Variants in SEL1L3 observed in about 807,000 individuals in gnomAD.
SEL1L3 encodes the protein protein sel-1 homolog 3.
A neutral mutation model predicts 142.8 loss-of-function variants in SEL1L3; 76 were observed. The ratio of observed to expected loss-of-function variants is 0.53; its 90% CI spans 0.44 to 0.64. The LOEUF is 0.64. Among genes scored for constraint, SEL1L3 ranks in the 30% least tolerant of loss-of-function variants. SEL1L3 has a pLI of 0.00. For synonymous variants in SEL1L3, 504 were observed against 519.6 expected, an observed-to-expected ratio of 0.97 and a Z score of 0.41; for missense variants, 1,262 against 1,381.7, an observed-to-expected ratio of 0.91 and a Z score of 1.37.
chr4:25,729,806 A>G, the SEL1L3 span, among the ~76,000 whole-genome samples: 1 of 152,226 alleles, frequency 6.6e-6, no homozygotes. Context: ...TGTGTTCAGT[A>G]TCAATCGGAG....
chr4:25,728,739 C>A, the SEL1L3 span, among the ~76,000 whole-genome samples: 3 of 151,494 alleles, frequency 2.0e-5, no homozygotes, highest in East Asian at 2.0e-4. Flanking sequence ...CCAGCCTGGG[C>A]AACATGGCAA....
chr4:25,764,463 T>C (rs1718585093), intron 20 of SEL1L3, among the ~76,000 whole-genome samples: 1 of 152,250 alleles, frequency 6.6e-6, no homozygotes, highest in South Asian at 2.1e-4. Context: ...ATGAAGGGTA[T>C]ACAGAAACTC....
chr4:25,787,519 C>T (rs989578364), intron 13 of SEL1L3, among the ~76,000 whole-genome samples: 3 of 152,314 alleles, frequency 2.0e-5, no homozygotes, highest in Admixed American at 6.5e-5. Flanking sequence ...GGGGTTTCAC[C>T]ATGTTGGCCA....
intron 2 of SEL1L3, among the ~76,000 whole-genome samples, chr4:25,845,652 C>T (rs1716459585): frequency 1.3e-5 from 2 of 152,088 alleles, no homozygotes; most frequent in Admixed American, 6.5e-5. Flanking sequence ...GTCATTATTT[C>T]CCCCAAAGAT....
intron 3 of SEL1L3, among the ~76,000 whole-genome samples, chr4:25,834,482 G>C (rs1394253589): frequency 2.0e-5 from 3 of 152,210 alleles, no homozygotes. Context: ...AGTGGCCCCA[G>C]GTTCTTTGCA....
chr4:25,806,015 T>C (rs1312795343), intron 9 of SEL1L3, among the ~76,000 whole-genome samples: 1 of 151,328 alleles, frequency 6.6e-6, no homozygotes, highest in Non-Finnish European at 1.5e-5. Flanking sequence ...TAAAATGTTG[T>C]GGGTTTTTTT....
intron 3 of SEL1L3, 144 bp downstream of exon 3, chr4:25,835,053 T>C: frequency 1.1e-6 from 1 of 946,238 alleles, no homozygotes; most frequent in Non-Finnish European, 1.6e-6. Context: ...ACCAATTCTG[T>C]CTAAGCCATG....
At chr4:25,797,232 G>A (rs1055786788) in intron 11 of SEL1L3, among the ~76,000 whole-genome samples, 2 of 151,432 alleles carry the variant, frequency 1.3e-5, no homozygotes, top group Admixed American at 6.6e-5. Context: ...GCTGAGGAGC[G>A]AAGCCTCTCG....
chr4:25,838,551 T>C (rs974212601), intron 2 of SEL1L3, among the ~76,000 whole-genome samples: 6 of 152,196 alleles, frequency 3.9e-5, no homozygotes, highest in African/African-American at 1.4e-4. Flanking sequence ...TCGGCTGATA[T>C]TCAGTGGGCA....
In SEL1L3 at chr4:25,784,692, G is replaced by A. The variant is rs965429330; in HGVS notation, c.2218-402C>T. Among the ~76,000 whole-genome samples the A allele has an allele frequency of 3.9e-5, 6 of 152,210 alleles. No homozygotes were observed. In the East Asian group the frequency reaches 7.7e-4, roughly 20 times the overall value. On this transcript the variant is annotated intron_variant, in intron 13 of 23. Coordinates refer to ENST00000399878, the MANE Select transcript of SEL1L3 (RefSeq NM_015187.5). The stretch of plus-strand genomic sequence containing the variant: ...GACAGTCAAGAGTTACCAGGTTGTC[G>A]CTTGCAGGCTTCATCAGCCTTGGCT...
chr4:25,757,044 G>A, intron 23 of SEL1L3: 14 of 911,664 alleles, frequency 1.5e-5, no homozygotes, highest in Non-Finnish European at 1.9e-5. Flanking sequence ...GAGGCAGCCA[G>A]ATCACCTGAG....
chr4:25,851,038 A>T (rs1350877515), intron 1 of SEL1L3, among the ~76,000 whole-genome samples: 1 of 151,866 alleles, frequency 6.6e-6, no homozygotes, highest in African/African-American at 2.4e-5. Context: ...TTTAGTAGAG[A>T]TGGGGTTTCA....
chr4:25,820,603 C>T (rs943116499), intron 7 of SEL1L3, among the ~76,000 whole-genome samples: 3 of 152,198 alleles, frequency 2.0e-5, no homozygotes, highest in Admixed American at 1.3e-4. Context: ...GGGTGGGAAC[C>T]TCCAGAGTTT....
chr4:25,812,919 A>G (rs1714129600), intron 9 of SEL1L3, among the ~76,000 whole-genome samples: 1 of 152,218 alleles, frequency 6.6e-6, no homozygotes, highest in African/African-American at 2.4e-5. Flanking sequence ...AGGCTGAGGC[A>G]GGAGAATCGC....
At chr4:25,725,790 A>G in the SEL1L3 span, among the ~76,000 whole-genome samples, 2 of 152,140 alleles carry the variant, frequency 1.3e-5, no homozygotes, top group Non-Finnish European at 2.9e-5. Context: ...CGGAGTTGCC[A>G]TGGCATTTGT....
At chr4:25,756,040 T>C (rs1392731448) in intron 23 of SEL1L3, 1 of 985,252 alleles carries the variant, frequency 1.0e-6, no homozygotes, top group Admixed American at 6.2e-5. Context: ...CAGAGAGAAA[T>C]GATTTCGCAT....
chr4:25,764,879 T>C (rs955256388), intron 20 of SEL1L3, among the ~76,000 whole-genome samples: 2 of 152,158 alleles, frequency 1.3e-5, no homozygotes, highest in Non-Finnish European at 2.9e-5. Context: ...ATAGAGTTGT[T>C]TGAGGGGCAT....
chr4:25,756,943 T>TAAC, intron 23 of SEL1L3: 3 of 1,271,640 alleles, frequency 2.4e-6, no homozygotes, highest in Non-Finnish European at 3.1e-6. Flanking sequence ...GAAATTGTAT[T>TAAC]AGGTCAGTTT....
At chr4:25,862,641 G>A in intron 1 of SEL1L3, 34 bp downstream of exon 1, 14 of 1,187,776 alleles carry the variant, frequency 1.2e-5, no homozygotes, top group Non-Finnish European at 1.5e-5. Context: ...GGCCCCGCGC[G>A]GAGGGGAAGA....
Sources: gnomAD v4.1 joint callset for allele counts (sites outside exome capture counted in the v4.1 genomes callset) on GRCh38, gnomAD v4.1.1 for gene constraint, MANE v1.5 for transcripts, NCBI Gene and HGNC (gene_info 2026-07-23, HGNC 2026-07-21) for gene names.